GPC6: variants seen among roughly 807,000 people sequenced by gnomAD.
The protein encoded by GPC6 is glypican-6.
In GPC6, 14 loss-of-function variants were observed where a neutral mutation model predicts 55.2. That is an observed-to-expected ratio of 0.25 (90% CI 0.17 to 0.40). The LOEUF (loss-of-function observed/expected upper bound fraction) is 0.40. GPC6 is among the 10% of genes least tolerant of loss of function. The pLI is 1.00. For missense variants in GPC6, 641 were observed against 708.5 expected (o/e 0.90, Z 1.08); for synonymous variants, 278 against 259.6 (o/e 1.07, Z -0.68).
At chr13:94,339,599 G>A (rs949087125) in intron 6 of GPC6, among the ~76,000 whole-genome samples, 1 of 152,126 alleles carries the variant, frequency 6.6e-6, no homozygotes, top group Non-Finnish European at 1.5e-5. Context: ...ATCAAGGGTG[G>A]AAGGGGGATG....
intron 3 of GPC6, among the ~76,000 whole-genome samples, chr13:93,878,382 T>G (rs1874724615): frequency 6.6e-6 from 1 of 152,064 alleles, no homozygotes; most frequent in African/African-American, 2.4e-5. Flanking sequence ...CCCTCTTACC[T>G]TTCAGACTCT....
rs74421960 is a variant in GPC6, at chr13:94,197,059, T to A, written c.878-89290T>A. Reference sequence around the variant, plus strand: ...GTTTTTTTTAACACATTGATACCATTCTCTTTGGGCCTCATGTATGAATCT... The same window carrying A: ...GTTTTTTTTAACACATTGATACCATACTCTTTGGGCCTCATGTATGAATCT... On this transcript the variant is annotated intron_variant, in intron 4 of 8. Coordinates refer to ENST00000377047, the MANE Select transcript of GPC6 (RefSeq NM_005708.5). 4.2e-4 allele frequency among the ~76,000 whole-genome samples: 64 copies of A among 152,284 alleles called. No homozygotes were observed. In the East Asian group the frequency reaches 7.7e-3, roughly 18 times the overall value.
chr13:93,228,341 T>C, intron 1 of GPC6, among the ~76,000 whole-genome samples: 1 of 152,296 alleles, frequency 6.6e-6, no homozygotes, highest in Non-Finnish European at 1.5e-5. Flanking sequence ...GGGGACACCC[T>C]GCCACCCGGT....
chr13:94,194,162 G>C (rs1465915066), intron 4 of GPC6, among the ~76,000 whole-genome samples: 2 of 152,136 alleles, frequency 1.3e-5, no homozygotes, highest in Non-Finnish European at 2.9e-5. Flanking sequence ...TACAGTATAT[G>C]TATACTCATA....
At chr13:93,379,796 T>G (rs1875082351) in intron 1 of GPC6, among the ~76,000 whole-genome samples, 1 of 152,190 alleles carries the variant, frequency 6.6e-6, no homozygotes, top group Admixed American at 6.5e-5. Flanking sequence ...TAACTTTTAT[T>G]AATCCCACGT....
At chr13:93,930,769 A>G (rs1220107773) in intron 3 of GPC6, among the ~76,000 whole-genome samples, 3 of 152,014 alleles carry the variant, frequency 2.0e-5, no homozygotes, top group Non-Finnish European at 2.9e-5. Context: ...CACAGAGTAT[A>G]TAAGTCCATT....
At chr13:94,060,099 A>T (rs188603544) in intron 4 of GPC6, among the ~76,000 whole-genome samples, 4 of 152,250 alleles carry the variant, frequency 2.6e-5, no homozygotes, top group East Asian at 1.9e-4. Context: ...TGATAATTTT[A>T]AAAAATGTGG....
chr13:93,911,111 A>G (rs1454337860), intron 3 of GPC6, among the ~76,000 whole-genome samples: 3 of 152,232 alleles, frequency 2.0e-5, no homozygotes, highest in African/African-American at 4.8e-5. Flanking sequence ...GGTATAAAGA[A>G]GTGGTAGATG....
In GPC6 at chr13:93,516,666, C is replaced by T. The variant is rs532332519; in HGVS notation, c.161-28597C>T. On this transcript the variant is annotated intron_variant, in intron 1 of 8. Coordinates refer to ENST00000377047, the MANE Select transcript of GPC6 (RefSeq NM_005708.5). ...TCAAGATAGAACAACATGGGATATC[C>T]TATCTATGCACAAAGCAAAACAAAA... Among the ~76,000 whole-genome samples the T allele has an allele frequency of 2.6e-5, 4 of 152,198 alleles. No individual in the cohort carries two copies. The East Asian group carries it at 5.8e-4, about 22-fold the overall frequency.
At chr13:94,201,387 G>A (rs1211204885) in intron 4 of GPC6, among the ~76,000 whole-genome samples, 16 of 152,094 alleles carry the variant, frequency 1.1e-4, no homozygotes, top group East Asian at 1.9e-4. Flanking sequence ...GCCTGGAACC[G>A]TATGTGCCTG....
intron 1 of GPC6, among the ~76,000 whole-genome samples, chr13:93,272,422 T>A (rs1877562956): frequency 6.7e-6 from 1 of 149,984 alleles, no homozygotes; most frequent in South Asian, 2.1e-4. Context: ...TATAGACCAA[T>A]GAATGTGAAA....
chr13:93,869,629 A>G (rs1396822555), intron 3 of GPC6, among the ~76,000 whole-genome samples: 1 of 151,880 alleles, frequency 6.6e-6, no homozygotes, highest in Non-Finnish European at 1.5e-5. Flanking sequence ...CATCCCTATG[A>G]TTTCTTAGAA....
At chr13:94,182,350 G>A (rs1889027515) in intron 4 of GPC6, among the ~76,000 whole-genome samples, 1 of 152,210 alleles carries the variant, frequency 6.6e-6, no homozygotes, top group Non-Finnish European at 1.5e-5. Context: ...AGAGCATCAG[G>A]TAGAGGTCAG....
intron 2 of GPC6, among the ~76,000 whole-genome samples, chr13:93,708,343 G>T (rs1882929798): frequency 6.6e-6 from 1 of 151,712 alleles, no homozygotes; most frequent in African/African-American, 2.4e-5. Flanking sequence ...TTTAGGGCCT[G>T]TTTCTGGCAA....
At chr13:93,727,920 A>G (rs1392777281) in intron 2 of GPC6, among the ~76,000 whole-genome samples, 2 of 152,182 alleles carry the variant, frequency 1.3e-5, no homozygotes, top group East Asian at 3.9e-4. Context: ...TCACAGAGAG[A>G]GTCACTATCC....
chr13:94,246,164 A>G lies in GPC6; in HGVS notation c.878-40185A>G, dbSNP rs183765451. Among the ~76,000 whole-genome samples the G allele has an allele frequency of 6.0e-4, 91 of 152,212 alleles. 1 individual carries two copies. The highest frequency in any genetic ancestry group is 3.4e-3 in the Middle Eastern group (1 of 294). ...TGATGGCCATTTTTATGTCAAATCT[A>G]TAGAAATGTGTATTCAAGTCCTTTG... On this transcript the variant is annotated intron_variant, in intron 4 of 8. Transcript: ENST00000377047.
intron 1 of GPC6, among the ~76,000 whole-genome samples, chr13:93,485,409 A>AG (rs1239008594): frequency 6.6e-6 from 1 of 152,232 alleles, no homozygotes; most frequent in African/African-American, 2.4e-5. Flanking sequence ...ATGACCAGTC[A>AG]GGAGTCGTAG....
At chr13:94,118,556 G>C (rs1886515027) in intron 4 of GPC6, among the ~76,000 whole-genome samples, 1 of 152,058 alleles carries the variant, frequency 6.6e-6, no homozygotes, top group East Asian at 1.9e-4. Context: ...GTGAACATAT[G>C]GCGTTTCTCC....
chr13:93,784,671 G>A (rs1295785788), intron 2 of GPC6, among the ~76,000 whole-genome samples: 3 of 152,142 alleles, frequency 2.0e-5, no homozygotes, highest in Non-Finnish European at 4.4e-5. Flanking sequence ...TAAAAGAAGT[G>A]GCCTGTAATT....
Sources: gnomAD v4.1 joint callset for allele counts (sites outside exome capture counted in the v4.1 genomes callset) on GRCh38, gnomAD v4.1.1 for gene constraint, MANE v1.5 for transcripts, NCBI Gene and HGNC (gene_info 2026-07-23, HGNC 2026-07-21) for gene names.